The following TBCK variants were observed in gnomAD, a reference collection of about 807,000 sequenced individuals.
TBCK encodes TBC domain-containing protein kinase-like protein.
A neutral mutation model predicts 113.4 loss-of-function variants in TBCK; 99 were observed. The ratio of observed to expected loss-of-function variants is 0.87; its 90% confidence interval spans 0.74 to 1.03. TBCK has a LOEUF of 1.03. Among genes scored for constraint, TBCK ranks in the 50% least tolerant of loss-of-function variants. The pLI, the probability that TBCK is intolerant of heterozygous loss-of-function variation, is 0.00. For missense variants in TBCK, 1,045 were observed against 1,061.3 expected (o/e 0.98, Z 0.21); for synonymous variants, 369 against 370.8 (o/e 1.00, Z 0.05).
intron 12 of TBCK, chr4:106,237,407 T>C (rs1759594390): frequency 2.3e-6 from 1 of 432,844 alleles, no homozygotes; most frequent in Admixed American, 2.5e-5. Context: ...CAGGTATTCT[T>C]CAAAATCATA....
chr4:106,088,568 C>A (rs1474174847), intron 25 of TBCK, among the ~76,000 whole-genome samples: 1 of 152,148 alleles, frequency 6.6e-6, no homozygotes, highest in Admixed American at 6.5e-5. Flanking sequence ...ACCAGAAAAA[C>A]CATCTGGACC....
rs749592039 is a variant in TBCK at position 106,140,889 on chromosome 4, G to C, written c.2236-24511C>G. Among the ~76,000 whole-genome samples the C allele has an allele frequency of 5.0e-5, 7 of 140,110 alleles. 1 individual carries two copies. The highest frequency in any genetic ancestry group is 7.6e-5 in the African/African-American group (3 of 39,708). The allele number at this position is 140,110 out of a possible 152,430, so 91.9% of individuals were successfully genotyped here. A position where few individuals can be genotyped will look rare whatever the true frequency, so the allele number is the denominator to read the frequency against. ...CTCCACATAAATAGAAATTAGGACA[G>C]AGCCTAGATTTAAAGCTGGCTCTAA... On this transcript the variant is annotated intron_variant, in intron 23 of 25. Transcript: ENST00000394708.
chr4:106,311,036 T>C (rs979244495), intron 1 of TBCK, among the ~76,000 whole-genome samples: 2 of 152,046 alleles, frequency 1.3e-5, no homozygotes, highest in Non-Finnish European at 2.9e-5. Flanking sequence ...CCACAAAAAA[T>C]TTTTATCTAC....
intron 23 of TBCK, among the ~76,000 whole-genome samples, chr4:106,123,109 G>T (rs1037404185): frequency 3.7e-4 from 57 of 152,244 alleles, no homozygotes; most frequent in Middle Eastern, 3.4e-3. Flanking sequence ...GATGACATGA[G>T]TGTATATCTA....
At chr4:106,070,047 C>T (rs182747287) in intron 25 of TBCK, among the ~76,000 whole-genome samples, 273 of 152,072 alleles carry the variant, frequency 1.8e-3, no homozygotes, top group Middle Eastern at 3.4e-3. Flanking sequence ...TGGGCTGAGA[C>T]GATGGGGTTT....
At chr4:106,166,114 T>G (rs2149720827) in intron 23 of TBCK, among the ~76,000 whole-genome samples, 1 of 151,884 alleles carries the variant, frequency 6.6e-6, no homozygotes, top group South Asian at 2.1e-4. Flanking sequence ...TTAATAAATA[T>G]TCTTTTTACA....
intron 24 of TBCK, among the ~76,000 whole-genome samples, chr4:106,102,028 T>G (rs547662341): frequency 6.6e-6 from 1 of 152,344 alleles, no homozygotes; most frequent in South Asian, 2.1e-4. Context: ...TCTGACTTGA[T>G]TTTTACCTAG....
rs536545324 is a variant in TBCK at position 106,212,647 on chromosome 4, T to C, written c.1860+103A>G. On this transcript the variant is annotated intron_variant, in intron 20 of 25. Transcript: ENST00000394708. ...AATTAGTAGCAGTAACTTGTTCAGA[T>C]ATGCACTATGACAACAAAAATTAAG... is the stretch of plus-strand genomic sequence containing the variant. The C allele has an allele frequency of 3.0e-5, 22 of 740,746 alleles. No individual in the cohort carries two copies. In the East Asian group the frequency reaches 5.6e-4, roughly 19 times the overall value. The allele number at this position is 740,746 out of a possible 1,614,324, so 45.9% of individuals were successfully genotyped here.
intron 2 of TBCK, among the ~76,000 whole-genome samples, chr4:106,306,236 ATTTTTTTTTTTTT>A (rs60417567): frequency 1.2e-4 from 12 of 97,326 alleles, no homozygotes; most frequent in Admixed American, 2.3e-4. Flanking sequence ...TGCCTGGCTA[ATTTTTTTTTTTTT>A]TTTTTTTTTT....
At chr4:106,222,122 C>A (rs1757765801) in intron 19 of TBCK, among the ~76,000 whole-genome samples, 1 of 151,978 alleles carries the variant, frequency 6.6e-6, no homozygotes, top group Non-Finnish European at 1.5e-5. Flanking sequence ...TTAAATTTCC[C>A]ATTTAAGCTT....
In TBCK at chr4:106,112,626, G is replaced by C. The variant is rs73836985; in HGVS notation, c.2411+3577C>G. On this transcript the variant is annotated intron_variant, in intron 24 of 25. Coordinates refer to ENST00000394708, the MANE Select transcript of TBCK (RefSeq NM_001163435.3). ...TTTATTTATTGCAGAACCTTGAGAG[G>C]GCCCTCATTAAGTCCACTCTGGAGC... 4.8e-3 allele frequency among the ~76,000 whole-genome samples: 737 copies of C among 152,156 alleles called. 9 individuals are homozygous for C. The highest frequency in any genetic ancestry group is 0.014 in the African/African-American group (576 of 41,496).
intron 1 of TBCK, among the ~76,000 whole-genome samples, chr4:106,315,003 G>A (rs970324139): frequency 6.6e-6 from 1 of 152,086 alleles, no homozygotes; most frequent in Non-Finnish European, 1.5e-5. Flanking sequence ...GATCGAAAAA[G>A]ATAAAACACT....
In TBCK at chr4:106,312,008, C is replaced by G. The variant is rs573138830; in HGVS notation, c.-29-3019G>C. ...AAGCGAATATCTTTACAACCTTAGG[C>G]TAGGCAAAGATTTCTTAGACACAAT... On this transcript the variant is annotated intron_variant, in intron 1 of 25. Coordinates refer to ENST00000394708, the MANE Select transcript of TBCK (RefSeq NM_001163435.3). 2.5e-4 allele frequency among the ~76,000 whole-genome samples: 38 copies of G among 152,190 alleles called. No homozygotes were observed. In the South Asian group the frequency reaches 7.7e-3, roughly 31 times the overall value.
At chr4:106,253,877 A>G (rs1761695792) in intron 5 of TBCK, among the ~76,000 whole-genome samples, 1 of 152,162 alleles carries the variant, frequency 6.6e-6, no homozygotes, top group East Asian at 1.9e-4. Context: ...CACAGCTAAG[A>G]TTTATTACAG....
chr4:106,303,145 A>T (rs1298842374), intron 2 of TBCK, among the ~76,000 whole-genome samples: 1 of 152,122 alleles, frequency 6.6e-6, no homozygotes, highest in Non-Finnish European at 1.5e-5. Flanking sequence ...GTGAGGCAAA[A>T]CCCTACACAG....
At chr4:106,291,386 A>G (rs1182392762) in intron 3 of TBCK, among the ~76,000 whole-genome samples, 1 of 152,220 alleles carries the variant, frequency 6.6e-6, no homozygotes, top group African/African-American at 2.4e-5. Context: ...TGCCAACAAA[A>G]AGAAAGCTTC....
chr4:106,168,967 A>T (rs1357589422), intron 23 of TBCK, among the ~76,000 whole-genome samples: 2 of 152,078 alleles, frequency 1.3e-5, no homozygotes, highest in African/African-American at 4.8e-5. Context: ...ATGATAGTCA[A>T]AGGAAATGCT....
intron 2 of TBCK, among the ~76,000 whole-genome samples, chr4:106,297,128 C>T (rs189813416): frequency 6.6e-6 from 1 of 152,248 alleles, no homozygotes; most frequent in Admixed American, 6.5e-5. Flanking sequence ...GTTCCTCCAC[C>T]TTTGATTCTG....
At chr4:106,197,536 CAACAA>C (rs893370590) in intron 20 of TBCK, among the ~76,000 whole-genome samples, 21 of 150,422 alleles carry the variant, frequency 1.4e-4, no homozygotes, top group East Asian at 3.9e-4. Context: ...AGAATGAAAA[CAACAA>C]AACAAAACAA....
Sources: allele counts gnomAD v4.1 joint callset (sites outside exome capture counted in the v4.1 genomes callset), GRCh38; gene constraint gnomAD v4.1.1; transcripts MANE v1.5; gene names NCBI Gene and HGNC (gene_info 2026-07-23, HGNC 2026-07-21).